RYR2: variants seen among roughly 807,000 people sequenced by gnomAD.
RYR2 encodes the protein cardiac muscle ryanodine receptor-calcium release channel.
A neutral mutation model predicts 601.1 loss-of-function variants in RYR2; 227 were observed. The observed-to-expected ratio is 0.38, with a 90% CI of 0.34 to 0.42. The LOEUF (loss-of-function observed/expected upper bound fraction) is 0.42. RYR2 is among the 10% of genes least tolerant of loss of function. The pLI is 1.00. For synonymous variants in RYR2, 2,223 were observed against 2,175.1 expected (o/e 1.02, Z -0.61); for missense variants, 4,646 against 6,156.5 (o/e 0.75, Z 8.21).
At position 237,614,554 on chromosome 1, in the gene RYR2, C is replaced by T; in HGVS notation, c.5426C>T (p.Pro1809Leu). The T allele has an allele frequency of 6.2e-7, 1 of 1,614,056 alleles. No homozygotes were observed. Among genetic ancestry groups the T allele is most frequent in the Non-Finnish European group, 8.5e-7 (1 of 1,179,904 alleles). ...VKEGSLHARD[P>L]VGGTTEFLFV... ...GAGGGCAGTCTTCATGCCCGGGACC[C>T]AGTTGGAGGGACTACTGAATTCCTC... is the stretch of plus-strand genomic sequence containing the variant. The change falls in exon 37 of 105, where the codon CCA becomes CTA. Residue 1809 changes from proline to leucine, a missense_variant. This residue lies in a region of RYR2 where 1,807 missense variants were observed against 2,088.1 expected (regional missense o/e 0.87). Transcript: ENST00000366574. The surrounding 1 kb of genome is among the most constrained non-coding windows in gnomAD (Gnocchi z 4.3).
chr1:237,727,399 C>T (rs1321453710), intron 76 of RYR2, among the ~76,000 whole-genome samples, 200 bp downstream of exon 76: 1 of 152,104 alleles, frequency 6.6e-6, no homozygotes, highest in Non-Finnish European at 1.5e-5. Flanking sequence ...TATTAAATGA[C>T]TCTTACTGAG....
intron 100 of RYR2, among the ~76,000 whole-genome samples, chr1:237,817,036 A>G (rs1464714817): frequency 2.0e-5 from 3 of 152,146 alleles, no homozygotes; most frequent in Non-Finnish European, 2.9e-5. Context: ...ACCTTTCTGC[A>G]AAAGAGACCC....
chr1:237,062,276 T>C (rs1298651492), intron 1 of RYR2, among the ~76,000 whole-genome samples: 2 of 152,224 alleles, frequency 1.3e-5, no homozygotes, highest in Non-Finnish European at 2.9e-5. Context: ...CAAGATGAGC[T>C]GCTGGAATTT....
intron 1 of RYR2, among the ~76,000 whole-genome samples, chr1:237,043,821 A>T (rs568992094): frequency 6.6e-6 from 1 of 152,342 alleles, no homozygotes; most frequent in Admixed American, 6.5e-5. Flanking sequence ...AAAATCGTAG[A>T]TACGGTGGAA....
At chr1:237,179,815 G>A (rs1420866761) in intron 1 of RYR2, among the ~76,000 whole-genome samples, 1 of 152,068 alleles carries the variant, frequency 6.6e-6, no homozygotes, top group Non-Finnish European at 1.5e-5. Context: ...AGAAGCGTGG[G>A]GGAATCTGCC....
intron 29 of RYR2, among the ~76,000 whole-genome samples, chr1:237,580,469 T>TA (rs34856679): frequency 0.26 from 38,322 of 148,998 alleles, 5,020 homozygotes; most frequent in South Asian, 0.36. Context: ...AACAATGCTT[T>TA]AAAAAAAAAA....
intron 29 of RYR2, among the ~76,000 whole-genome samples, chr1:237,585,131 C>T (rs901936492): frequency 5.9e-5 from 9 of 152,092 alleles, no homozygotes; most frequent in Non-Finnish European, 8.8e-5. Context: ...AGAGTTGAGT[C>T]GTTGCAACAG....
At chr1:237,488,051 G>C (rs1334228426) in intron 17 of RYR2, among the ~76,000 whole-genome samples, 1 of 151,908 alleles carries the variant, frequency 6.6e-6, no homozygotes, top group African/African-American at 2.4e-5. Context: ...TGTGACATAC[G>C]CTATTTACTT....
At chr1:237,662,049 CA>C (rs546210588) in intron 56 of RYR2, among the ~76,000 whole-genome samples, 122 of 151,668 alleles carry the variant, frequency 8.0e-4, no homozygotes, top group Middle Eastern at 3.4e-3. Flanking sequence ...GCTATTTACA[CA>C]AATATCATTT....
chr1:237,802,577 T>G (rs531049061), intron 98 of RYR2, among the ~76,000 whole-genome samples: 1 of 152,312 alleles, frequency 6.6e-6, no homozygotes, highest in South Asian at 2.1e-4. Context: ...CTTAGGAGCA[T>G]TCTCTAAGAG....
rs534617461 is a variant in RYR2, at chr1:237,307,837, T to C, written c.169-23041T>C. ...AGCCTTCGGTTTGCTGTACTTAATA[T>C]TTTTTTAAAGTATACAATAACAACA... On this transcript the variant is annotated intron_variant, in intron 2 of 104. Transcript: ENST00000366574. Among the ~76,000 whole-genome samples, 7 of 152,312 alleles carry C rather than the reference T, an allele frequency of 4.6e-5. No individual in the cohort carries two copies. The South Asian group carries it at 1.2e-3, about 27-fold the overall frequency.
At chr1:237,334,961 T>C (rs1697106081) in intron 3 of RYR2, among the ~76,000 whole-genome samples, 1 of 152,194 alleles carries the variant, frequency 6.6e-6, no homozygotes, top group South Asian at 2.1e-4. Context: ...TAAATGATGG[T>C]GCATGTTATT....
intron 16 of RYR2, among the ~76,000 whole-genome samples, chr1:237,465,992 T>C (rs1660047485): frequency 6.6e-6 from 1 of 152,240 alleles, no homozygotes; most frequent in African/African-American, 2.4e-5. Flanking sequence ...AAAAAGCTTT[T>C]GGTCTTTGAC....
At chr1:237,093,659 C>T (rs531732143) in intron 1 of RYR2, among the ~76,000 whole-genome samples, 6 of 152,050 alleles carry the variant, frequency 3.9e-5, no homozygotes, top group South Asian at 2.1e-4. Flanking sequence ...AAGCATTGAG[C>T]GGAGGGAGTT....
chr1:237,779,544 C>G (rs537359510), intron 88 of RYR2, among the ~76,000 whole-genome samples: 10 of 152,210 alleles, frequency 6.6e-5, no homozygotes, highest in Admixed American at 5.9e-4. Flanking sequence ...GCTGCCATGA[C>G]TTGTTCCACC....
At chr1:237,045,997 G>A (rs888515562) in intron 1 of RYR2, among the ~76,000 whole-genome samples, 1 of 149,118 alleles carries the variant, frequency 6.7e-6, no homozygotes, top group South Asian at 2.1e-4. Context: ...GAGACTTAAA[G>A]CTTAGTCCTG....
At chr1:237,239,605 T>C (rs898890818) in intron 1 of RYR2, among the ~76,000 whole-genome samples, 4 of 152,216 alleles carry the variant, frequency 2.6e-5, no homozygotes, top group African/African-American at 9.7e-5. Flanking sequence ...GGAGCCTCCA[T>C]GTTGAATATA....
rs1461117119 is a variant in RYR2, at chr1:237,591,805, C to T, written c.4227C>T (p.Val1409=). 2 of 1,613,664 alleles carry T rather than the reference C, an allele frequency of 1.2e-6. No homozygotes were observed. The highest frequency in any genetic ancestry group is 1.3e-5 in the African/African-American group (1 of 75,030). ...TSHSARLTED[V]LADDRDDYDF... Reference sequence around the variant, plus strand: ...ATTCTGCAAGACTCACCGAAGATGTCCTTGCTGATGATCGGGATGACTATG... The same window carrying T: ...ATTCTGCAAGACTCACCGAAGATGTTCTTGCTGATGATCGGGATGACTATG... Residue 1409 remains valine (V), a synonymous_variant, in exon 32 of 105, where the codon GTC becomes GTT. Coordinates refer to ENST00000366574, the MANE Select transcript of RYR2 (RefSeq NM_001035.3).
In RYR2 at chr1:237,072,830, C is replaced by T. The variant is rs141771555; in HGVS notation, c.48+30261C>T. ...AGGCGTGGTGGCAGTCACCTGTAAT[C>T]CCAGCTACTTGGGAGGCTGAGGCAG... is the stretch of plus-strand genomic sequence containing the variant. On this transcript the variant is annotated intron_variant, in intron 1 of 104. Transcript: ENST00000366574. Among the ~76,000 whole-genome samples the T allele has an allele frequency of 1.3e-3, 205 of 152,000 alleles. 1 individual carries two copies. Among genetic ancestry groups the T allele is most frequent in the African/African-American group, 4.5e-3 (188 of 41,468 alleles).
Sources: allele counts gnomAD v4.1 joint callset (sites outside exome capture counted in the v4.1 genomes callset), GRCh38; gene constraint gnomAD v4.1.1; regional missense constraint gnomAD v4.1.1; non-coding constraint Gnocchi (gnomAD v3.1); transcripts MANE v1.5; gene names NCBI Gene and HGNC (gene_info 2026-07-23, HGNC 2026-07-21).